The following PRIM2 variants were observed in gnomAD, a reference collection of about 807,000 sequenced individuals.
PRIM2 encodes the protein DNA primase subunit 2.
A neutral mutation model predicts 67.3 loss-of-function variants in PRIM2; 39 were observed. The observed-to-expected ratio is 0.58, with a 90% CI of 0.45 to 0.76. The LOEUF (loss-of-function observed/expected upper bound fraction) is 0.76. Among genes scored for constraint, PRIM2 ranks in the 30% least tolerant of loss-of-function variants. The probability of loss-of-function intolerance (pLI) is 0.00; values close to 1 mark genes in which losing one functional copy is unlikely to be tolerated. For synonymous variants in PRIM2, 143 were observed against 198.7 expected, an observed-to-expected ratio of 0.72 and a Z score of 2.36; for missense variants, 398 against 598.7, an observed-to-expected ratio of 0.66 and a Z score of 3.50.
At chr6:57,417,114 G>A (rs1771289077) in intron 7 of PRIM2, among the ~76,000 whole-genome samples, 1 of 151,844 alleles carries the variant, frequency 6.6e-6, no homozygotes, top group Admixed American at 6.6e-5. Context: ...TTACAGGCAT[G>A]CACCACCATA....
At chr6:57,302,481 T>G in the PRIM2 span, among the ~76,000 whole-genome samples, 15 of 152,178 alleles carry the variant, frequency 9.9e-5, no homozygotes. Context: ...ATAAGAAAAT[T>G]ATGTGGTTAT....
At chr6:57,237,083 C>A in the PRIM2 span, among the ~76,000 whole-genome samples, 3 of 151,760 alleles carry the variant, frequency 2.0e-5, no homozygotes, top group Non-Finnish European at 4.4e-5. Flanking sequence ...CCTGTTGTTT[C>A]CTGACTTTTT....
At chr6:57,243,234 G>A in the PRIM2 span, among the ~76,000 whole-genome samples, 5 of 152,166 alleles carry the variant, frequency 3.3e-5, 1 homozygote, top group South Asian at 1.0e-3. Context: ...CTGGTATCAG[G>A]AAAAGGGAGC....
chr6:57,496,043 G>A (rs1392905583), intron 7 of PRIM2, among the ~76,000 whole-genome samples: 18 of 152,148 alleles, frequency 1.2e-4, no homozygotes, highest in Non-Finnish European at 2.5e-4. Context: ...ACTGCGCCCA[G>A]CCCACTCTGA....
At chr6:57,305,860 A>G in the PRIM2 span, among the ~76,000 whole-genome samples, 6 of 152,198 alleles carry the variant, frequency 3.9e-5, no homozygotes, top group African/African-American at 9.6e-5. Context: ...TAATCTTCAG[A>G]TGCTCTAAGC....
At chr6:57,645,707 C>G (rs1777323052) in intron 13 of PRIM2, among the ~76,000 whole-genome samples, 1 of 151,716 alleles carries the variant, frequency 6.6e-6, no homozygotes, top group Admixed American at 6.6e-5. Context: ...CACAGAGGCT[C>G]AGACTAGAAA....
chr6:57,454,408 A>T (rs376722386), intron 7 of PRIM2, among the ~76,000 whole-genome samples: 3 of 152,156 alleles, frequency 2.0e-5, no homozygotes, highest in African/African-American at 7.2e-5. Flanking sequence ...CTGTGAATCC[A>T]TCTGGTCCTG....
rs1258168282 is a variant in PRIM2 at position 57,529,264 on chromosome 6, C to T, written c.762-3147C>T. Among the ~76,000 whole-genome samples the T allele has an allele frequency of 5.1e-4, 77 of 151,904 alleles. 2 individuals carry two copies. In the East Asian group the frequency reaches 0.013, roughly 26 times the overall value. Reference sequence around the variant, plus strand: ...GGCAGAGCTTGCAGTGAGCGGAGATCGCCCCACTGCACTCCAGCCTGGGCG... The same window carrying T: ...GGCAGAGCTTGCAGTGAGCGGAGATTGCCCCACTGCACTCCAGCCTGGGCG... On this transcript the variant is annotated intron_variant, in intron 8 of 13. Transcript: ENST00000615550.
chr6:57,563,472 T>TG (rs1356552525), intron 10 of PRIM2, among the ~76,000 whole-genome samples: 6 of 152,102 alleles, frequency 3.9e-5, no homozygotes, highest in African/African-American at 1.4e-4. Context: ...TAATTCTTTC[T>TG]GGTTATTTTC....
chr6:57,561,065 A>G (rs1775616965), intron 10 of PRIM2, among the ~76,000 whole-genome samples: 1 of 152,172 alleles, frequency 6.6e-6, no homozygotes, highest in Non-Finnish European at 1.5e-5. Context: ...ATTCACATTG[A>G]AAATGTGTTG....
chr6:57,447,464 A>C (rs993696078), intron 7 of PRIM2, among the ~76,000 whole-genome samples: 2 of 152,250 alleles, frequency 1.3e-5, no homozygotes, highest in Non-Finnish European at 2.9e-5. Flanking sequence ...CTATTCCTGA[A>C]GACGAGCCAA....
rs1554348665 is a variant in PRIM2, at chr6:57,519,534, C to A, written c.761+12080C>A. 3.3e-5 allele frequency among the ~76,000 whole-genome samples: 5 copies of A among 152,308 alleles called. No homozygotes were observed. The East Asian group carries it at 7.7e-4, about 24-fold the overall frequency. ...AAGAGAAATATGGCTCTGTTCCGCC[C>A]GGCTCACCAGCGGTCAGAGTTTAAG... On this transcript the variant is annotated intron_variant, in intron 8 of 13. Coordinates refer to ENST00000615550, the MANE Select transcript of PRIM2 (RefSeq NM_000947.5).
rs1283644400 is a variant in PRIM2 at position 57,608,466 on chromosome 6, T to C, written c.1230+2009T>C. On this transcript the variant is annotated intron_variant, in intron 12 of 13. Transcript: ENST00000615550. The stretch of plus-strand genomic sequence containing the variant: ...ATGTGTCAGGCCAGGTGCAGTGGCT[T>C]GTACCTGTAATGCTAGCACTTAGTA... Among the ~76,000 whole-genome samples, 276 of 152,288 alleles carry C rather than the reference T, an allele frequency of 1.8e-3. 1 individual carries two copies. Among genetic ancestry groups the C allele is most frequent in the Admixed American group, 3.3e-3 (50 of 15,300 alleles).
chr6:57,638,576 CAAAAAAAAAA>C (rs1227220865), intron 13 of PRIM2, among the ~76,000 whole-genome samples: 3 of 32,028 alleles, frequency 9.4e-5, no homozygotes, highest in African/African-American at 3.8e-4. Context: ...AAACAGAAAG[CAAAAAAAAAA>C]AAAAAAAAAA....
the PRIM2 span, among the ~76,000 whole-genome samples, chr6:57,230,686 A>C: frequency 3.9e-5 from 6 of 152,332 alleles, no homozygotes; most frequent in Middle Eastern, 3.4e-3. Context: ...ATAGTTGCAC[A>C]AGACTTGTCA....
At chr6:57,576,877 G>A (rs1375735082) in intron 10 of PRIM2, among the ~76,000 whole-genome samples, 1 of 149,958 alleles carries the variant, frequency 6.7e-6, no homozygotes, top group Non-Finnish European at 1.5e-5. Flanking sequence ...AAACATCTAT[G>A]CCTATTGAAG....
chr6:57,579,750 C>T (rs1215921964), intron 10 of PRIM2, among the ~76,000 whole-genome samples: 1 of 152,002 alleles, frequency 6.6e-6, no homozygotes, highest in Non-Finnish European at 1.5e-5. Context: ...CCATTTGCTG[C>T]TTATTTAAGT....
chr6:57,386,342 T>G (rs1046265054), intron 7 of PRIM2, among the ~76,000 whole-genome samples: 1 of 138,062 alleles, frequency 7.2e-6, no homozygotes, highest in African/African-American at 2.8e-5. Context: ...CACTTGAGCC[T>G]GGGAGATCAA....
chr6:57,237,168 AT>A, the PRIM2 span, among the ~76,000 whole-genome samples: 1 of 151,874 alleles, frequency 6.6e-6, no homozygotes, highest in Non-Finnish European at 1.5e-5. Context: ...ATGGCCAGTG[AT>A]GATGAGCATT....
Sources: allele counts gnomAD v4.1 joint callset (sites outside exome capture counted in the v4.1 genomes callset), GRCh38; gene constraint gnomAD v4.1.1; transcripts MANE v1.5; gene names NCBI Gene and HGNC (gene_info 2026-07-23, HGNC 2026-07-21).